The following SH3RF1 variants were observed in gnomAD, a reference collection of about 807,000 sequenced individuals.
SH3RF1 encodes the protein SH3 domain containing ring finger 1.
Under a neutral mutation model 74.0 loss-of-function variants are expected in SH3RF1, and 32 were observed. That is an observed-to-expected ratio of 0.43 (90% confidence interval 0.33 to 0.58). The LOEUF is 0.58. SH3RF1 is among the 20% of genes least tolerant of loss of function. The pLI is 0.05. For synonymous variants in SH3RF1, 396 were observed against 439.6 expected, an observed-to-expected ratio of 0.90 and a Z score of 1.24; for missense variants, 954 against 1,130.9, an observed-to-expected ratio of 0.84 and a Z score of 2.24.
chr4:169,132,907 T>G (rs547233362), intron 5 of SH3RF1, among the ~76,000 whole-genome samples: 1 of 152,306 alleles, frequency 6.6e-6, no homozygotes, highest in South Asian at 2.1e-4. Context: ...CTCATGAACA[T>G]CTATCTGATC....
Position 169,095,398 on chromosome 4 carries a change from A to G in SH3RF1, c.*1121T>C, listed in dbSNP as rs1357856856. Reference sequence around the variant, plus strand: ...ATTGGTCAATTCTGAGTACAAACTCATCTTAACAGGAAATCGCAATGAAAT... The same window carrying G: ...ATTGGTCAATTCTGAGTACAAACTCGTCTTAACAGGAAATCGCAATGAAAT... On this transcript the variant is annotated 3_prime_UTR_variant, in exon 12 of 12. Coordinates refer to ENST00000284637, the MANE Select transcript of SH3RF1 (RefSeq NM_020870.4). 1 of 152,644 alleles carries G rather than the reference A, an allele frequency of 6.6e-6. No individual in the cohort carries two copies. Among genetic ancestry groups the G allele is most frequent in the African/African-American group, 2.4e-5 (1 of 41,452 alleles). 9.5% of individuals were successfully genotyped at this position (152,644 alleles called of 1,614,324 possible).
intron 2 of SH3RF1, among the ~76,000 whole-genome samples, chr4:169,178,198 G>A (rs1263510017): frequency 6.7e-6 from 1 of 150,270 alleles, no homozygotes; most frequent in Non-Finnish European, 1.5e-5. Context: ...CCGAGATTGC[G>A]CCAGCATGCT....
chr4:169,233,677 A>G (rs1386297527), intron 2 of SH3RF1, among the ~76,000 whole-genome samples: 1 of 152,224 alleles, frequency 6.6e-6, no homozygotes, highest in Non-Finnish European at 1.5e-5. Context: ...GACTGCAATA[A>G]TTCATTGACT....
intron 2 of SH3RF1, among the ~76,000 whole-genome samples, chr4:169,173,366 C>T (rs1214736008): frequency 2.0e-5 from 3 of 151,946 alleles, no homozygotes; most frequent in Admixed American, 2.0e-4. Flanking sequence ...TCCCACCGTG[C>T]CCCCTTGTTA....
chr4:169,143,177 T>C (rs1733813869), intron 4 of SH3RF1, among the ~76,000 whole-genome samples: 1 of 152,196 alleles, frequency 6.6e-6, no homozygotes, highest in Admixed American at 6.5e-5. Context: ...AAATATAATA[T>C]GAGCCACACT....
intron 3 of SH3RF1, among the ~76,000 whole-genome samples, 192 bp from the exon 4 acceptor site, chr4:169,155,767 C>T (rs1276778634): frequency 2.6e-5 from 4 of 152,274 alleles, no homozygotes; most frequent in African/African-American, 9.6e-5. Context: ...ACCTGGTGTC[C>T]TTTCCAACTG....
At chr4:169,099,218 G>A (rs553454432) in intron 11 of SH3RF1, among the ~76,000 whole-genome samples, 23 of 152,218 alleles carry the variant, frequency 1.5e-4, no homozygotes, top group Admixed American at 1.2e-3. Flanking sequence ...TCAGCCTTCC[G>A]GCTGGGACTA....
intron 2 of SH3RF1, among the ~76,000 whole-genome samples, chr4:169,204,732 G>T (rs539846223): frequency 8.0e-4 from 122 of 151,994 alleles, no homozygotes; most frequent in African/African-American, 2.7e-3. Context: ...TTGTATTTTA[G>T]TAGAGACGGG....
Position 169,269,012 on chromosome 4 carries a change from G to C in SH3RF1, c.201C>G (p.Ile67Met). Residue 67 changes from isoleucine (I) to methionine (M), a missense_variant, in exon 2 of 12, where the codon ATC becomes ATG. Coordinates refer to ENST00000284637, the MANE Select transcript of SH3RF1 (RefSeq NM_020870.4). ...TGCCATCCAGAAGTCTGACCAGCAA[G>C]ATGTTACTGGGAAGCTCCTCGACAC... is the stretch of plus-strand genomic sequence containing the variant. ...GSGVEELPSN[I>M]LLVRLLDGIK... 1 of 1,614,154 alleles carries C rather than the reference G, an allele frequency of 6.2e-7. No homozygotes were observed.
At chr4:169,169,509 A>G (rs1734292182) in intron 2 of SH3RF1, among the ~76,000 whole-genome samples, 1 of 152,176 alleles carries the variant, frequency 6.6e-6, no homozygotes, top group African/African-American at 2.4e-5. Flanking sequence ...AGGCAGGACA[A>G]TCACTTGAAC....
At chr4:169,162,856 G>A (rs139338011) in intron 2 of SH3RF1, among the ~76,000 whole-genome samples, 14 of 152,216 alleles carry the variant, frequency 9.2e-5, no homozygotes, top group Non-Finnish European at 1.9e-4. Context: ...GCCAGCCTTT[G>A]GGCTTTTTTA....
chr4:169,241,319 T>G (rs1730906724), intron 2 of SH3RF1, among the ~76,000 whole-genome samples: 1 of 152,232 alleles, frequency 6.6e-6, no homozygotes. Flanking sequence ...AAATCAATAC[T>G]GGAAATACAT....
chr4:169,199,361 T>G (rs1238619746), intron 2 of SH3RF1, among the ~76,000 whole-genome samples: 1 of 152,188 alleles, frequency 6.6e-6, no homozygotes, highest in African/African-American at 2.4e-5. Flanking sequence ...GGTTGGCAGG[T>G]GGTTTTCCTC....
At chr4:169,207,769 T>C (rs534637238) in intron 2 of SH3RF1, among the ~76,000 whole-genome samples, 1 of 152,232 alleles carries the variant, frequency 6.6e-6, no homozygotes, top group African/African-American at 2.4e-5. Context: ...AAGCTCCCTT[T>C]TTCTTAACTC....
At chr4:169,199,001 T>C (rs756907710) in intron 2 of SH3RF1, among the ~76,000 whole-genome samples, 7 of 152,184 alleles carry the variant, frequency 4.6e-5, no homozygotes, top group African/African-American at 7.2e-5. Flanking sequence ...TTAAGGACAA[T>C]ACTTCTAGAA....
chr4:169,245,891 T>G (rs1730988858), intron 2 of SH3RF1, among the ~76,000 whole-genome samples: 1 of 152,226 alleles, frequency 6.6e-6, no homozygotes, highest in African/African-American at 2.4e-5. Flanking sequence ...CCAAATGTAC[T>G]GAAAAGTGGT....
At position 169,102,852 on chromosome 4, in the gene SH3RF1, T is replaced by C. The variant is rs77370973; in HGVS notation, c.2498+3995A>G. On this transcript the variant is annotated intron_variant, in intron 11 of 11. Transcript: ENST00000284637. The stretch of plus-strand genomic sequence containing the variant: ...TCATCCTTTCTTACTATGAGATTGC[T>C]TAAGTCTTTATACCACGTGGTTGCT... 5.7e-3 allele frequency among the ~76,000 whole-genome samples: 858 copies of C among 151,738 alleles called. 9 individuals are homozygous for C. Among genetic ancestry groups the C allele is most frequent in the African/African-American group, 0.02 (828 of 41,420 alleles).
chr4:169,104,764 C>T (rs980438573), intron 11 of SH3RF1, among the ~76,000 whole-genome samples: 2 of 151,886 alleles, frequency 1.3e-5, no homozygotes, highest in African/African-American at 2.4e-5. Flanking sequence ...ATTAGCCGGG[C>T]GTGGTGTGTG....
intron 2 of SH3RF1, among the ~76,000 whole-genome samples, chr4:169,221,559 G>C (rs1730564568): frequency 6.6e-6 from 1 of 152,142 alleles, no homozygotes; most frequent in Non-Finnish European, 1.5e-5. Flanking sequence ...CATTGGAAAA[G>C]AAAGTTCAAT....
Sources: gnomAD v4.1 joint callset for allele counts (sites outside exome capture counted in the v4.1 genomes callset) on GRCh38, gnomAD v4.1.1 for gene constraint, MANE v1.5 for transcripts, NCBI Gene and HGNC (gene_info 2026-07-23, HGNC 2026-07-21) for gene names.